Variants in DDX46 observed in about 807,000 individuals in gnomAD.
DDX46 encodes DEAD-box helicase 46, also known as probable ATP-dependent RNA helicase DDX46.
A neutral mutation model predicts 134.9 loss-of-function variants in DDX46; 30 were observed. That is an observed-to-expected ratio of 0.22 (90% CI 0.17 to 0.30). The LOEUF (loss-of-function observed/expected upper bound fraction) is 0.30, where lower values mean the gene tolerates loss of function less well. Among genes scored for constraint, DDX46 ranks in the 10% least tolerant of loss-of-function variants. The pLI, the probability that DDX46 is intolerant of heterozygous loss-of-function variation, is 1.00. For missense variants in DDX46, 622 were observed against 1,248.7 expected (o/e 0.50, Z 7.56); for synonymous variants, 415 against 404.1 (o/e 1.03, Z -0.32).
chr5:134,774,453 G>A (rs1204540796), intron 5 of DDX46, among the ~76,000 whole-genome samples: 1 of 152,110 alleles, frequency 6.6e-6, no homozygotes, highest in African/African-American at 2.4e-5. Flanking sequence ...TCTCTGTATT[G>A]AGTTCTGTGA....
intron 4 of DDX46, 111 bp downstream of exon 4, chr5:134,771,110 G>GTCTGTCTTTCTT (rs956169996): frequency 7.2e-6 from 4 of 552,426 alleles, no homozygotes; most frequent in Middle Eastern, 5.0e-4. Context: ...TTTCTTTTCT[G>GTCTGTCTTTCTT]TCTGTCTTTC....
At chr5:134,771,103 CTTTT>C in intron 4 of DDX46, 104 bp downstream of exon 4, 2 of 571,960 alleles carry the variant, frequency 3.5e-6, no homozygotes, top group South Asian at 2.2e-5. Context: ...TTCTTTCTTT[CTTTT>C]CTGTCTGTCT....
intron 20 of DDX46, 138 bp from the exon 21 acceptor site, chr5:134,818,722 A>AAT (rs1055449844): frequency 1.0e-4 from 52 of 500,128 alleles, no homozygotes; most frequent in Admixed American, 1.3e-4. Flanking sequence ...AAAAAAAAAG[A>AAT]ATATATATAT....
At chr5:134,764,136 C>G in intron 2 of DDX46, 44 bp downstream of exon 2, 1 of 1,558,488 alleles carries the variant, frequency 6.4e-7, no homozygotes, top group East Asian at 2.3e-5. Context: ...ATAAATTGGG[C>G]CTTCTCGGCT....
chr5:134,823,700 T>C (rs555019437), intron 21 of DDX46, among the ~76,000 whole-genome samples: 6 of 152,316 alleles, frequency 3.9e-5, no homozygotes, highest in South Asian at 2.1e-4. Context: ...CACTGTTTCT[T>C]ATTACATAGT....
In DDX46 at chr5:134,811,791, A is replaced by G. The variant is rs148405318; in HGVS notation, c.2382A>G (p.Leu794=). 8.1e-6 allele frequency: 13 copies of G among 1,614,064 alleles called. No individual in the cohort carries two copies. Among genetic ancestry groups the G allele is most frequent in the Non-Finnish European group, 8.5e-6 (10 of 1,179,992 alleles). ...CTTTGGCTAATGAGAGGAAGAAGTTACAAAAAGCAGCTCTTGGTCTACAAG... is the reference window on the plus strand; with the variant it reads ...CTTTGGCTAATGAGAGGAAGAAGTTGCAAAAAGCAGCTCTTGGTCTACAAG... The part of the protein sequence containing the change: ...EQALANERKK[L]QKAALGLQDS... Residue 794 remains leucine (L), a synonymous_variant, in exon 18 of 23, where the codon TTA becomes TTG. Coordinates refer to ENST00000452510, the MANE Select transcript of DDX46 (RefSeq NM_001300860.2).
In DDX46 at chr5:134,758,881, T is replaced by TTGTCCGGTTCGCA. The variant is rs1161825389; in HGVS notation, c.-46_-45insATGTCCGGTTCGC. 1.1e-4 allele frequency: 181 copies of TTGTCCGGTTCGCA among 1,613,696 alleles called. No individual in the cohort carries two copies. The highest frequency in any genetic ancestry group is 3.3e-4 in the Middle Eastern group (2 of 6,038). ...GTTGAGGGCAGCTCAGCCTCCTTGT[T>TTGTCCGGTTCGCA]TGTCCGGTTCGCCTGTGCGTGGTAC... On this transcript the variant is annotated 5_prime_UTR_variant, in exon 1 of 23. It adds an upstream start codon to the 5' untranslated region. Coordinates refer to ENST00000452510, the MANE Select transcript of DDX46 (RefSeq NM_001300860.2).
At chr5:134,807,246 T>G (rs1755018997) in intron 15 of DDX46, among the ~76,000 whole-genome samples, 1 of 148,980 alleles carries the variant, frequency 6.7e-6, no homozygotes, top group South Asian at 2.2e-4. Flanking sequence ...GGTCTCGAAC[T>G]CCTGACCTCA....
chr5:134,790,934 C>T (rs936121491), intron 13 of DDX46, among the ~76,000 whole-genome samples: 1 of 152,070 alleles, frequency 6.6e-6, no homozygotes, highest in African/African-American at 2.4e-5. Flanking sequence ...AAGCGATTCT[C>T]CTGCCTCAGC....
Position 134,816,517 on chromosome 5 carries a change from A to G in DDX46, c.2524A>G (p.Thr842Ala). The G allele has an allele frequency of 6.2e-7, 1 of 1,613,864 alleles. No individual in the cohort carries two copies. The highest frequency in any genetic ancestry group is 1.1e-5 in the South Asian group (1 of 91,064). Reference protein sequence around the residue: ...APGTSSVPAPTAGNAEKLEIA... With the variant: ...APGTSSVPAPAAGNAEKLEIA... ...TGGAACATCAAGTGTTCCTGCTCCA[A>G]CTGCAGGAAATGCTGAGAAATTAGA... Residue 842 changes from threonine (T) to alanine (A), a missense_variant, in exon 19 of 23, where the codon ACT becomes GCT. Around this residue, in one of 8 missense-constraint regions of DDX46, gnomAD observed 18 missense variants for 17.0 expected, o/e 1.06. Coordinates refer to ENST00000452510, the MANE Select transcript of DDX46 (RefSeq NM_001300860.2).
At chr5:134,818,651 A>G (rs1755352500) in intron 20 of DDX46, among the ~76,000 whole-genome samples, 1 of 151,566 alleles carries the variant, frequency 6.6e-6, no homozygotes, top group African/African-American at 2.4e-5. Context: ...GCGGTGAGCC[A>G]AGATTGCACC....
intron 13 of DDX46, among the ~76,000 whole-genome samples, chr5:134,791,037 C>T (rs1016762644): frequency 6.6e-6 from 1 of 152,184 alleles, no homozygotes; most frequent in African/African-American, 2.4e-5. Flanking sequence ...AGGCTGGTCT[C>T]GAACTCCTGA....
At chr5:134,821,610 G>A (rs1433522388) in intron 21 of DDX46, among the ~76,000 whole-genome samples, 1 of 148,000 alleles carries the variant, frequency 6.8e-6, no homozygotes, top group Non-Finnish European at 1.5e-5. Flanking sequence ...TCGGCTCACT[G>A]CAACGGCGCA....
At chr5:134,822,925 A>T (rs1368702598) in intron 21 of DDX46, among the ~76,000 whole-genome samples, 1 of 152,062 alleles carries the variant, frequency 6.6e-6, no homozygotes, top group East Asian at 1.9e-4. Flanking sequence ...ATAGATTCAT[A>T]ATTATTTTAT....
chr5:134,809,311 G>A (rs1410739811), intron 16 of DDX46, among the ~76,000 whole-genome samples: 4 of 152,068 alleles, frequency 2.6e-5, no homozygotes, highest in Non-Finnish European at 2.9e-5. Context: ...TTGTAGCCCC[G>A]TAGGAGTACA....
intron 19 of DDX46, 118 bp downstream of exon 19, chr5:134,816,724 T>A (rs1755296807): frequency 9.8e-7 from 1 of 1,018,962 alleles, no homozygotes; most frequent in Non-Finnish European, 1.4e-6. Context: ...TTTGTGAGAA[T>A]TTAACATTCT....
intron 11 of DDX46, among the ~76,000 whole-genome samples, chr5:134,786,029 A>G (rs758518286): frequency 2.4e-4 from 37 of 152,000 alleles, no homozygotes; most frequent in Non-Finnish European, 4.7e-4. Context: ...TTGTATTTTT[A>G]GTAGAGACGG....
chr5:134,772,254 T>C (rs1304825085), intron 4 of DDX46, among the ~76,000 whole-genome samples: 1 of 151,998 alleles, frequency 6.6e-6, no homozygotes, highest in East Asian at 1.9e-4. Flanking sequence ...CCAGGCATGG[T>C]GGCTCGTGCC....
intron 21 of DDX46, among the ~76,000 whole-genome samples, chr5:134,820,864 C>CTTTTTTTTTTTTTTTT (rs1180909732): frequency 8.1e-6 from 1 of 123,226 alleles, no homozygotes; most frequent in Non-Finnish European, 1.7e-5. Context: ...CTTTTCTTTT[C>CTTTTTTTTTTTTTTTT]TTTTTTTTTT....
Sources: allele counts gnomAD v4.1 joint callset (sites outside exome capture counted in the v4.1 genomes callset), GRCh38; gene constraint gnomAD v4.1.1; regional missense constraint gnomAD v4.1.1; transcripts MANE v1.5; gene names NCBI Gene and HGNC (gene_info 2026-07-23, HGNC 2026-07-21).